SMCHD1: variants seen among roughly 807,000 people sequenced by gnomAD.
SMCHD1 encodes the protein structural maintenance of chromosomes flexible hinge domain containing 1, also known as structural maintenance of chromosomes flexible hinge domain-containing protein 1.
A neutral mutation model predicts 254.7 loss-of-function variants in SMCHD1; 78 were observed. The ratio of observed to expected loss-of-function variants is 0.31; its 90% CI spans 0.26 to 0.37. SMCHD1 has a LOEUF of 0.37. SMCHD1 is among the 10% of genes least tolerant of loss of function. The pLI, the probability that SMCHD1 is intolerant of heterozygous loss-of-function variation, is 1.00. For missense variants in SMCHD1, 1,840 were observed against 2,408.1 expected (o/e 0.76, Z 4.94); for synonymous variants, 766 against 794.9 (o/e 0.96, Z 0.61).
At chr18:2,788,387 A>G (rs981467685) in intron 45 of SMCHD1, among the ~76,000 whole-genome samples, 5 of 152,194 alleles carry the variant, frequency 3.3e-5, no homozygotes, top group Non-Finnish European at 7.3e-5. Context: ...TTGAGGTTCA[A>G]AAAGGTTAGA....
rs2143805894 is a variant in SMCHD1, at chr18:2,666,938, A to G, written c.331A>G (p.Thr111Ala). Residue 111 changes from threonine (T) to alanine (A), a missense_variant, in exon 3 of 48, where the codon ACG becomes GCG. By Grantham distance (58) the Thr-to-Ala change is moderately conservative (BLOSUM62 0). Coordinates refer to ENST00000320876, the MANE Select transcript of SMCHD1 (RefSeq NM_015295.3). ...QSVNQLLLTA[T>A]KERIDFLPHY... The stretch of plus-strand genomic sequence containing the variant: ...GGTCAATCAGTTACTACTGACAGCT[A>G]CGAAAGAACGAATTGACTTCTTACC... 6.2e-7 allele frequency: 1 copy of G among 1,612,740 alleles called. No individual in the cohort carries two copies. The highest frequency in any genetic ancestry group is 8.5e-7 in the Non-Finnish European group (1 of 1,179,194).
intron 21 of SMCHD1, among the ~76,000 whole-genome samples, chr18:2,726,164 A>C (rs1340784051): frequency 6.6e-6 from 1 of 151,956 alleles, no homozygotes; most frequent in African/African-American, 2.4e-5. Context: ...CCTTTTGAGA[A>C]TAAAAATTTA....
At position 2,769,765 on chromosome 18, in the gene SMCHD1, A is replaced by G; in HGVS notation, c.4791A>G (p.Leu1597=). The G allele has an allele frequency of 1.9e-6, 3 of 1,604,416 alleles. No individual in the cohort carries two copies. The highest frequency in any genetic ancestry group is 2.2e-5 in the South Asian group (2 of 89,678). ...TEYFIVFEPR[L]PLLSRTLEPY... is the part of the protein sequence containing the mutation. Reference sequence around the variant, plus strand: ...ATTTTATTGTATTTGAGCCCCGGCTACCACTTTTATCAAGAACCTTAGAAC... The same window carrying G: ...ATTTTATTGTATTTGAGCCCCGGCTGCCACTTTTATCAAGAACCTTAGAAC... The change falls in exon 38 of 48, where the codon CTA becomes CTG. Residue 1597 remains leucine, a synonymous_variant. Coordinates refer to ENST00000320876, the MANE Select transcript of SMCHD1 (RefSeq NM_015295.3).
intron 5 of SMCHD1, among the ~76,000 whole-genome samples, chr18:2,681,864 A>G (rs971265187): frequency 6.6e-6 from 1 of 152,222 alleles, no homozygotes; most frequent in African/African-American, 2.4e-5. Flanking sequence ...TGAAATATGA[A>G]TAAGTAAAAA....
At chr18:2,744,477 T>G (rs1175226493) in intron 29 of SMCHD1, among the ~76,000 whole-genome samples, 1 of 152,188 alleles carries the variant, frequency 6.6e-6, no homozygotes, top group African/African-American at 2.4e-5. Flanking sequence ...AGACAAAAAT[T>G]GTACATATTT....
intron 27 of SMCHD1, among the ~76,000 whole-genome samples, chr18:2,739,993 T>C (rs1207834971): frequency 2.0e-5 from 3 of 151,920 alleles, no homozygotes; most frequent in Non-Finnish European, 4.4e-5. Context: ...TGCAGGTTTG[T>C]TACATAGGTA....
At chr18:2,736,860 A>G (rs1360644613) in intron 25 of SMCHD1, among the ~76,000 whole-genome samples, 1 of 152,220 alleles carries the variant, frequency 6.6e-6, no homozygotes, top group Admixed American at 6.6e-5. Flanking sequence ...AACCTTAAAT[A>G]GAACTATCGT....
chr18:2,786,848 G>A (rs8095120), intron 45 of SMCHD1, among the ~76,000 whole-genome samples: 14,970 of 152,106 alleles, frequency 0.098, 1,160 homozygotes, highest in East Asian at 0.43. Context: ...TTGGTATTGT[G>A]CGGTGCGTAC....
At chr18:2,708,907 T>TATATATATATATATATATATATATAAAA (rs769432583) in intron 17 of SMCHD1, among the ~76,000 whole-genome samples, 4 of 44,706 alleles carry the variant, frequency 8.9e-5, no homozygotes, top group East Asian at 1.2e-3. Flanking sequence ...TATATATATA[T>TATATATATATATATATATATATATAAAA]AACATATTAA....
chr18:2,672,669 G>A (rs1435636171), intron 3 of SMCHD1, among the ~76,000 whole-genome samples: 1 of 152,218 alleles, frequency 6.6e-6, no homozygotes, highest in Non-Finnish European at 1.5e-5. Flanking sequence ...GAAGAAAGGA[G>A]AATATTAGTT....
chr18:2,712,200 TA>T (rs113424997), intron 17 of SMCHD1, among the ~76,000 whole-genome samples: 129 of 151,436 alleles, frequency 8.5e-4, no homozygotes, highest in African/African-American at 3.0e-3. Flanking sequence ...TCAATATTCA[TA>T]AGGGATTTTG....
intron 1 of SMCHD1, among the ~76,000 whole-genome samples, chr18:2,663,074 G>A (rs1310952566): frequency 2.0e-5 from 3 of 152,054 alleles, no homozygotes; most frequent in Non-Finnish European, 2.9e-5. Flanking sequence ...ATCTTTTTAT[G>A]TTGTCTGGTC....
At chr18:2,670,794 G>A (rs1228879400) in intron 3 of SMCHD1, among the ~76,000 whole-genome samples, 1 of 151,280 alleles carries the variant, frequency 6.6e-6, no homozygotes, top group African/African-American at 2.4e-5. Flanking sequence ...CCAACTACTC[G>A]AGAGGCTGAG....
chr18:2,745,105 A>G (rs370399785), intron 29 of SMCHD1, among the ~76,000 whole-genome samples: 1 of 152,190 alleles, frequency 6.6e-6, no homozygotes, highest in Non-Finnish European at 1.5e-5. Context: ...GGCCTCCCGA[A>G]GTGCTGGGAT....
In SMCHD1 at chr18:2,711,481, C is replaced by CTTTT. The variant is rs752950626; in HGVS notation, c.2260+3577_2260+3580dup. 5.5e-4 allele frequency among the ~76,000 whole-genome samples: 62 copies of CTTTT among 112,462 alleles called. 1 individual carries two copies. Among genetic ancestry groups the CTTTT allele is most frequent in the East Asian group, 1.8e-3 (7 of 3,992 alleles). 73.8% of individuals were successfully genotyped at this position (112,462 alleles called of 152,430 possible). On this transcript the variant is annotated intron_variant, in intron 17 of 47. Coordinates refer to ENST00000320876, the MANE Select transcript of SMCHD1 (RefSeq NM_015295.3). ...TGTTATGTATAGTTTGGATGTTTGT[C>CTTTT]TTTTTTTTTTTTTTTTTTTGAGACG...
At chr18:2,659,486 G>T (rs1258194701) in intron 1 of SMCHD1, among the ~76,000 whole-genome samples, 1 of 152,176 alleles carries the variant, frequency 6.6e-6, no homozygotes, top group African/African-American at 2.4e-5. Context: ...GGACAAATCT[G>T]CAAGAAGCCC....
intron 29 of SMCHD1, 84 bp from the exon 30 acceptor site, chr18:2,747,438 G>T: frequency 8.3e-7 from 1 of 1,206,190 alleles, no homozygotes; most frequent in East Asian, 2.7e-5. Context: ...GATAAATTAA[G>T]TGATCGTTAC....
At chr18:2,723,414 G>T (rs1457202377) in intron 20 of SMCHD1, among the ~76,000 whole-genome samples, 8 of 151,906 alleles carry the variant, frequency 5.3e-5, no homozygotes, top group African/African-American at 1.9e-4. Context: ...AAAGAGTGTG[G>T]AGAGGCTGTT....
At chr18:2,661,119 G>A (rs2143767725) in intron 1 of SMCHD1, among the ~76,000 whole-genome samples, 1 of 152,324 alleles carries the variant, frequency 6.6e-6, no homozygotes, top group East Asian at 1.9e-4. Context: ...ATAAGTGGGA[G>A]TTGAACAATG....
Sources: gnomAD v4.1 joint callset for allele counts (sites outside exome capture counted in the v4.1 genomes callset) on GRCh38, gnomAD v4.1.1 for gene constraint, MANE v1.5 for transcripts, NCBI Gene and HGNC (gene_info 2026-07-23, HGNC 2026-07-21) for gene names.